SLC12A2: variants seen among roughly 807,000 people sequenced by gnomAD.
SLC12A2 encodes solute carrier family 12 member 2.
A neutral mutation model predicts 136.3 loss-of-function variants in SLC12A2; 67 were observed. The observed-to-expected ratio is 0.49, with a 90% CI of 0.40 to 0.60. SLC12A2 has a LOEUF of 0.60. Ranked by LOEUF, SLC12A2 falls within the 20% of genes least tolerant of loss-of-function variation. The pLI is 0.00. For missense variants in SLC12A2, 1,322 were observed against 1,534.7 expected (o/e 0.86, Z 2.32); for synonymous variants, 619 against 562.9 (o/e 1.10, Z -1.41).
chr5:128,119,662 T>A (rs1761481874), intron 4 of SLC12A2, among the ~76,000 whole-genome samples: 1 of 152,180 alleles, frequency 6.6e-6, no homozygotes, highest in East Asian at 1.9e-4. Flanking sequence ...GTGTGATGCC[T>A]CCAGCTTTGT....
At chr5:128,124,810 T>C (rs756819546) in intron 4 of SLC12A2, among the ~76,000 whole-genome samples, 49 of 152,252 alleles carry the variant, frequency 3.2e-4, no homozygotes, top group Middle Eastern at 3.4e-3. Flanking sequence ...ATGGGGGTAT[T>C]GAAAGTGCTA....
At position 128,130,388 on chromosome 5, in the gene SLC12A2, G is replaced by A. The variant is rs374094795; in HGVS notation, c.1049-679G>A. ...AAATTAGCTGAGCCAGGTGGCGCAC[G>A]CCTATAGTTCCAGCTACTCAGGAGG... On this transcript the variant is annotated intron_variant, in intron 4 of 26. Coordinates refer to ENST00000262461, the MANE Select transcript of SLC12A2 (RefSeq NM_001046.3). Among the ~76,000 whole-genome samples the A allele has an allele frequency of 2.0e-5, 3 of 151,922 alleles. No homozygotes were observed. The East Asian group carries it at 5.8e-4, about 29-fold the overall frequency.
At chr5:128,089,761 C>A (rs982868607) in intron 1 of SLC12A2, among the ~76,000 whole-genome samples, 3 of 152,190 alleles carry the variant, frequency 2.0e-5, no homozygotes, top group African/African-American at 7.2e-5. Context: ...TGTCACTTAA[C>A]AAGGACTTTA....
chr5:128,140,640 C>A (rs1762332852), intron 9 of SLC12A2, among the ~76,000 whole-genome samples: 1 of 149,918 alleles, frequency 6.7e-6, no homozygotes, highest in Non-Finnish European at 1.5e-5. Context: ...TGTTCAGTAG[C>A]TAGGCCAGTA....
chr5:128,113,145 T>A (rs1038683140), intron 2 of SLC12A2, among the ~76,000 whole-genome samples: 2 of 152,206 alleles, frequency 1.3e-5, no homozygotes, highest in African/African-American at 4.8e-5. Flanking sequence ...TTTTGCCAAA[T>A]TATTCTTGAT....
chr5:128,084,448 A>T lies in SLC12A2; in HGVS notation c.494A>T (p.Asp165Val), dbSNP rs766867552. The change falls in exon 1 of 27, where the codon GAC (aspartate) becomes GTC (valine). Residue 165 changes from aspartate to valine, a missense_variant. Asp to Val is a radical substitution (Grantham distance 152). Around this residue, in one of 8 missense-constraint regions of SLC12A2, gnomAD observed 358 missense variants for 299.7 expected, o/e 1.19. Coordinates refer to ENST00000262461, the MANE Select transcript of SLC12A2 (RefSeq NM_001046.3). The surrounding 1 kb of genome is among the most constrained non-coding windows in gnomAD (Gnocchi z 5.6). Reference sequence around the variant, plus strand: ...TCAGATGCTGCCGGGGTCGGAGTCGACGGGCCCAACGTGAGCTTCCAGAAC... The same window carrying T: ...TCAGATGCTGCCGGGGTCGGAGTCGTCGGGCCCAACGTGAGCTTCCAGAAC... Reference protein sequence around the residue: ...SLSDAAGVGVDGPNVSFQNGG... With the variant: ...SLSDAAGVGVVGPNVSFQNGG... 2.5e-6 allele frequency: 4 copies of T among 1,612,340 alleles called. No individual in the cohort carries two copies. In the Admixed American group the frequency reaches 6.7e-5, roughly 27 times the overall value.
chr5:128,118,134 T>C (rs1761422397), intron 4 of SLC12A2, among the ~76,000 whole-genome samples: 1 of 152,192 alleles, frequency 6.6e-6, no homozygotes, highest in South Asian at 2.1e-4. Context: ...TGTAAACTAA[T>C]ATAACCACTA....
At chr5:128,162,042 G>A (rs754803550) in intron 17 of SLC12A2, among the ~76,000 whole-genome samples, 1 of 152,116 alleles carries the variant, frequency 6.6e-6, no homozygotes, top group Non-Finnish European at 1.5e-5. Flanking sequence ...ATGTTGTGTT[G>A]TTCTGTGTTA....
chr5:128,115,588 A>G (rs1761315997), intron 4 of SLC12A2, among the ~76,000 whole-genome samples: 1 of 152,196 alleles, frequency 6.6e-6, no homozygotes, highest in African/African-American at 2.4e-5. Flanking sequence ...ACAAGAAGAA[A>G]AGAATTCCAT....
chr5:128,138,508 G>A lies in SLC12A2; in HGVS notation c.1409-89G>A, dbSNP rs1762255084. 7.7e-6 allele frequency: 9 copies of A among 1,163,938 alleles called. 1 individual carries two copies. The highest frequency in any genetic ancestry group is 2.5e-5 in the Admixed American group (1 of 40,028). 72.1% of individuals were successfully genotyped at this position (1,163,938 alleles called of 1,614,324 possible). On this transcript the variant is annotated intron_variant, in intron 7 of 26. Transcript: ENST00000262461. ...CGTTACTTTAACTGAAGAAAAGTTAGGGGTCATGTATACCTATTATTCTTG... is the reference window on the plus strand; with the variant it reads ...CGTTACTTTAACTGAAGAAAAGTTAAGGGTCATGTATACCTATTATTCTTG...
At chr5:128,146,603 A>G (rs1762532762) in intron 10 of SLC12A2, among the ~76,000 whole-genome samples, 1 of 151,374 alleles carries the variant, frequency 6.6e-6, no homozygotes, top group Non-Finnish European at 1.5e-5. Flanking sequence ...AAGCAATATA[A>G]TATACCTAGT....
intron 10 of SLC12A2, among the ~76,000 whole-genome samples, chr5:128,147,188 T>C (rs950493743): frequency 6.6e-6 from 1 of 151,336 alleles, no homozygotes; most frequent in Non-Finnish European, 1.5e-5. Flanking sequence ...TGTGGTACTG[T>C]TAAGCAATTA....
In SLC12A2 at chr5:128,084,475, G is replaced by C; in HGVS notation, c.521G>C (p.Gly174Ala). The C allele has an allele frequency of 6.2e-7, 1 of 1,608,690 alleles. No individual in the cohort carries two copies. Among genetic ancestry groups the C allele is most frequent in the Admixed American group, 1.7e-5 (1 of 59,832 alleles). ...VDGPNVSFQN[G>A]GDTVLSEGSS... ...GGGCCCAACGTGAGCTTCCAGAACG[G>C]CGGGGACACGGTGCTGAGCGAGGGC... The change falls in exon 1 of 27, where the codon GGC (glycine) becomes GCC (alanine). Residue 174 changes from glycine to alanine, a missense_variant. Gly to Ala is a moderately conservative substitution (Grantham distance 60). Around this residue, in one of 8 missense-constraint regions of SLC12A2, gnomAD observed 358 missense variants for 299.7 expected, o/e 1.19. Coordinates refer to ENST00000262461, the MANE Select transcript of SLC12A2 (RefSeq NM_001046.3). The surrounding 1 kb of genome is among the most constrained non-coding windows in gnomAD (Gnocchi z 5.6).
At chr5:128,138,025 C>G (rs991695872) in intron 7 of SLC12A2, among the ~76,000 whole-genome samples, 17 of 151,302 alleles carry the variant, frequency 1.1e-4, no homozygotes, top group South Asian at 6.3e-4. Context: ...GGAGTGTCGA[C>G]TGTCCAGGCT....
chr5:128,133,624 G>C (rs970827225), intron 5 of SLC12A2, among the ~76,000 whole-genome samples: 1 of 151,932 alleles, frequency 6.6e-6, no homozygotes, highest in African/African-American at 2.4e-5. Context: ...CTTTTGCTTA[G>C]TTAACTGGGA....
chr5:128,173,945 T>C (rs552766915), intron 19 of SLC12A2, among the ~76,000 whole-genome samples: 1 of 152,288 alleles, frequency 6.6e-6, no homozygotes, highest in East Asian at 1.9e-4. Flanking sequence ...AGACTCCATT[T>C]GGTGGTCTTG....
At chr5:128,092,430 G>A (rs939865119) in intron 1 of SLC12A2, among the ~76,000 whole-genome samples, 3 of 152,192 alleles carry the variant, frequency 2.0e-5, no homozygotes, top group Admixed American at 6.5e-5. Flanking sequence ...ACCCCAGTCC[G>A]AAGTTTGGAC....
chr5:128,183,704 T>C lies in SLC12A2; in HGVS notation c.3300-662T>C, dbSNP rs558416526. Among the ~76,000 whole-genome samples the C allele has an allele frequency of 2.0e-5, 3 of 152,188 alleles. No individual in the cohort carries two copies. In the South Asian group the frequency reaches 6.2e-4, roughly 32 times the overall value. ...CCTTTTCCCCTTCAAAATGTTCTAG[T>C]ACATTTTTTTACATCACTTTTATTC... is the stretch of plus-strand genomic sequence containing the variant. On this transcript the variant is annotated intron_variant, in intron 24 of 26. Transcript: ENST00000262461.
intron 4 of SLC12A2, among the ~76,000 whole-genome samples, chr5:128,122,847 A>T (rs1761640629): frequency 6.6e-6 from 1 of 152,020 alleles, no homozygotes. Context: ...TCAGCTCCAT[A>T]GTTCCTTTTT....
Sources: gnomAD v4.1 joint callset for allele counts (sites outside exome capture counted in the v4.1 genomes callset) on GRCh38, gnomAD v4.1.1 for gene constraint, gnomAD v4.1.1 regional missense constraint, Gnocchi (gnomAD v3.1) non-coding constraint, MANE v1.5 for transcripts, NCBI Gene and HGNC (gene_info 2026-07-23, HGNC 2026-07-21) for gene names.